POLN: variants seen among roughly 807,000 people sequenced by gnomAD.
POLN encodes DNA polymerase N.
In POLN, 108 loss-of-function variants were observed where a neutral mutation model predicts 113.5. The ratio of observed to expected loss-of-function variants is 0.95; its 90% CI spans 0.81 to 1.12. The LOEUF is 1.12. Ranked by LOEUF, POLN falls within the 50% of genes most tolerant of loss-of-function variation. The pLI is 0.00. For missense variants in POLN, 1,097 were observed against 1,077.1 expected (o/e 1.02, Z -0.26); for synonymous variants, 386 against 391.5 (o/e 0.99, Z 0.17).
chr4:2,181,868 TG>T (rs1361924148), intron 7 of POLN, among the ~76,000 whole-genome samples: 1 of 151,698 alleles, frequency 6.6e-6, no homozygotes, highest in Non-Finnish European at 1.5e-5. Flanking sequence ...GGTGTGGTGG[TG>T]GGCACCTGCA....
chr4:2,163,335 A>C lies in POLN; in HGVS notation c.1555-4124T>G, dbSNP rs560266363. ...AGCTTAAGATCTTCTAACTCTCCTT[A>C]TCTTGATGACTTACTCACAAAATAA... On this transcript the variant is annotated intron_variant, in intron 13 of 25. Coordinates refer to ENST00000511885, the MANE Select transcript of POLN (RefSeq NM_181808.4). Among the ~76,000 whole-genome samples, 8 of 152,350 alleles carry C rather than the reference A, an allele frequency of 5.3e-5. No individual in the cohort carries two copies. In the South Asian group the frequency reaches 1.7e-3, roughly 32 times the overall value.
chr4:2,089,380 C>T, intron 20 of POLN: 22 of 1,391,112 alleles, frequency 1.6e-5, no homozygotes, highest in Non-Finnish European at 2.2e-5. Flanking sequence ...GGGAAAGGAT[C>T]CCAAACTTAG....
chr4:2,135,929 C>T (rs1194659028), intron 16 of POLN, among the ~76,000 whole-genome samples: 1 of 152,220 alleles, frequency 6.6e-6, no homozygotes, highest in Non-Finnish European at 1.5e-5. Flanking sequence ...CTAGACTCCC[C>T]ATTACTCTCC....
chr4:2,171,668 G>A lies in POLN; in HGVS notation c.1375-487C>T, dbSNP rs553834803. Among the ~76,000 whole-genome samples, 10 of 152,008 alleles carry A rather than the reference G, an allele frequency of 6.6e-5. No homozygotes were observed. In the South Asian group the frequency reaches 1.2e-3, roughly 19 times the overall value. ...AAAAATACACACTTTGGCCAGGCAC[G>A]GTGGTTCACACCGGTGATCCCAGCA... On this transcript the variant is annotated intron_variant, in intron 11 of 25. Transcript: ENST00000511885.
intron 1 of POLN, 125 bp from the exon 2 acceptor site, chr4:2,241,915 G>T (rs1577807444): frequency 1.0e-6 from 1 of 985,482 alleles, no homozygotes; most frequent in Admixed American, 6.1e-5. Context: ...CCTGATCCCC[G>T]GGCAGCTGCT....
intron 11 of POLN, among the ~76,000 whole-genome samples, chr4:2,173,415 T>C (rs147021820): frequency 8.5e-5 from 13 of 152,222 alleles, no homozygotes; most frequent in Non-Finnish European, 1.5e-4. Context: ...TTTTGTTAAG[T>C]ACAGTCATCC....
chr4:2,094,363 C>CA (rs57646944), intron 20 of POLN, among the ~76,000 whole-genome samples: 2 of 53,364 alleles, frequency 3.7e-5, no homozygotes, highest in African/African-American at 8.0e-5. Context: ...GTTCTGTCTC[C>CA]AAAAAAAAAA....
chr4:2,079,711 A>G, intron 23 of POLN: 1 of 787,910 alleles, frequency 1.3e-6, no homozygotes, highest in Non-Finnish European at 1.5e-6. Context: ...CAGCCTCCTG[A>G]GTAGCTGGGA....
intron 5 of POLN, among the ~76,000 whole-genome samples, chr4:2,202,723 C>CAAAAAAAAAAA (rs34712930): frequency 8.1e-5 from 3 of 36,848 alleles, no homozygotes; most frequent in African/African-American, 1.0e-4. Context: ...GACTCTGTCT[C>CAAAAAAAAAAA]AAAAAAAAAA....
intron 20 of POLN, among the ~76,000 whole-genome samples, chr4:2,091,800 T>TGCGCGCGC (rs1553893099): frequency 6.2e-5 from 9 of 144,962 alleles, no homozygotes; most frequent in South Asian, 2.2e-4. Context: ...TGTGTGTGTG[T>TGCGCGCGC]GCGCGCGCTA....
At position 2,096,407 on chromosome 4, in the gene POLN, C is replaced by T. The variant is rs981848534; in HGVS notation, c.1983-474G>A. Among the ~76,000 whole-genome samples, 7 of 152,138 alleles carry T rather than the reference C, an allele frequency of 4.6e-5. 1 individual carries two copies. Among genetic ancestry groups the T allele is most frequent in the Admixed American group, 2.0e-4 (3 of 15,278 alleles). ...GGGGGTGAGCCCCACCCTGGAGCTA[C>T]AGCATTCAGATAGAATAAGGATCAA... On this transcript the variant is annotated intron_variant, in intron 19 of 25. Transcript: ENST00000511885.
intron 6 of POLN, among the ~76,000 whole-genome samples, chr4:2,198,088 T>C (rs931076730): frequency 1.3e-5 from 2 of 152,166 alleles, no homozygotes; most frequent in African/African-American, 4.8e-5. Context: ...TCCACAGACA[T>C]GGAGCTTTGA....
At chr4:2,234,113 G>A (rs939913284) in intron 2 of POLN, 1 of 152,130 alleles carries the variant, frequency 6.6e-6, no homozygotes, top group African/African-American at 2.4e-5. Flanking sequence ...CAAAATTGAT[G>A]GCACAGTAAT....
intron 19 of POLN, among the ~76,000 whole-genome samples, chr4:2,117,604 G>C (rs1204666884): frequency 2.6e-5 from 4 of 152,180 alleles, no homozygotes; most frequent in Non-Finnish European, 4.4e-5. Flanking sequence ...GGACAGGACA[G>C]CCACAATAAA....
In POLN at chr4:2,095,894, T is replaced by C; in HGVS notation, c.2022A>G (p.Arg674=). ...VPVEQVTHAD[R]EQTKKVVYAV... is the part of the protein sequence containing the mutation. ...CGTACACCACCTTCTTGGTTTGCTC[T>C]CTGTCTGCGTGTGTCACCTGTTCCA... is the stretch of plus-strand genomic sequence containing the variant. The change falls in exon 20 of 26, where the codon AGA becomes AGG. Residue 674 remains arginine (R), a synonymous_variant. Coordinates refer to ENST00000511885, the MANE Select transcript of POLN (RefSeq NM_181808.4). The C allele has an allele frequency of 6.2e-7, 1 of 1,614,072 alleles. No individual in the cohort carries two copies. The highest frequency in any genetic ancestry group is 8.5e-7 in the Non-Finnish European group (1 of 1,179,972).
At chr4:2,155,344 C>G (rs1732397418) in intron 16 of POLN, among the ~76,000 whole-genome samples, 1 of 152,192 alleles carries the variant, frequency 6.6e-6, no homozygotes, top group Non-Finnish European at 1.5e-5. Context: ...CAGAAGAGCT[C>G]CCTAAAGTGC....
At position 2,195,269 on chromosome 4, in the gene POLN, C is replaced by T. The variant is rs866395110; in HGVS notation, c.909-1953G>A. On this transcript the variant is annotated intron_variant, in intron 6 of 25. Transcript: ENST00000511885. ...CCTAGAACTTATAAAAATTAAGCCTCAACATTCATTCATTCAATGATAATA... is the reference window on the plus strand; with the variant it reads ...CCTAGAACTTATAAAAATTAAGCCTTAACATTCATTCATTCAATGATAATA... Among the ~76,000 whole-genome samples, 4 of 152,150 alleles carry T rather than the reference C, an allele frequency of 2.6e-5. No homozygotes were observed. In the South Asian group the frequency reaches 8.3e-4, roughly 32 times the overall value.
Position 2,126,072 on chromosome 4 carries a change from C to T in POLN, c.1982+2041G>A, listed in dbSNP as rs539962809. ...GATGCCCTGCATACTGGGTGGGAGG[C>T]AGGACTCCAGTGCCCAAAAGCTGGC... On this transcript the variant is annotated intron_variant, in intron 19 of 25. Transcript: ENST00000511885. The surrounding 1 kb of genome is among the most constrained non-coding windows in gnomAD (Gnocchi z 4.6). 1.1e-4 allele frequency among the ~76,000 whole-genome samples: 16 copies of T among 152,284 alleles called. No homozygotes were observed. The highest frequency in any genetic ancestry group is 7.8e-4 in the Admixed American group (12 of 15,308).
chr4:2,097,154 T>G (rs1251759245), intron 19 of POLN, among the ~76,000 whole-genome samples: 5 of 152,136 alleles, frequency 3.3e-5, no homozygotes, highest in African/African-American at 1.2e-4. Flanking sequence ...GGGTTCTGAG[T>G]TAGGTGAAAC....
Sources: gnomAD v4.1 joint callset for allele counts (sites outside exome capture counted in the v4.1 genomes callset) on GRCh38, gnomAD v4.1.1 for gene constraint, Gnocchi (gnomAD v3.1) non-coding constraint, MANE v1.5 for transcripts, NCBI Gene and HGNC (gene_info 2026-07-23, HGNC 2026-07-21) for gene names.